The following ARHGEF40 variants were observed in gnomAD, a reference collection of about 807,000 sequenced individuals.
ARHGEF40 encodes Rho guanine nucleotide exchange factor (GEF) 40.
A neutral mutation model predicts 165.9 loss-of-function variants in ARHGEF40; 98 were observed. The observed-to-expected ratio is 0.59, with a 90% CI of 0.50 to 0.70. ARHGEF40 has a LOEUF of 0.70. Ranked by LOEUF, ARHGEF40 falls within the 30% of genes least tolerant of loss-of-function variation. The pLI is 0.00. For synonymous variants in ARHGEF40, 792 were observed against 814.3 expected, an observed-to-expected ratio of 0.97 and a Z score of 0.47; for missense variants, 1,815 against 1,968.0, an observed-to-expected ratio of 0.92 and a Z score of 1.47.
In ARHGEF40 at chr14:21,075,368, C is replaced by T; in HGVS notation, c.1487C>T (p.Pro496Leu). The T allele has an allele frequency of 6.2e-7, 1 of 1,614,166 alleles. No individual in the cohort carries two copies. Residue 496 changes from proline to leucine, a missense_variant, in exon 4 of 24, where the codon CCA becomes CTA. Physicochemically the swap from Pro to Leu is moderately conservative, Grantham distance 98. Transcript: ENST00000298694. The surrounding 1 kb of genome is among the most constrained non-coding windows in gnomAD (Gnocchi z 4.5). ...CCAGAAGGCCCCCTGTCTGACACTC[C>T]AACACCTCCGCTGGAGACTGTGCAG... The part of the protein sequence containing the change: ...TGPEGPLSDT[P>L]TPPLETVQEG...
chr14:21,070,951 A>G lies in ARHGEF40; in HGVS notation c.3+552A>G. On this transcript the variant is annotated intron_variant, in intron 1 of 23. Coordinates refer to ENST00000298694, the MANE Select transcript of ARHGEF40 (RefSeq NM_018071.5). The surrounding 1 kb of genome is among the most constrained non-coding windows in gnomAD (Gnocchi z 4.7). The stretch of plus-strand genomic sequence containing the variant: ...GTCCCGGGGCATGGCCAAAGAGGGA[A>G]ATTCCCGCAGAGAAAAAGAGCTGCC... 7.9e-7 allele frequency: 1 copy of G among 1,266,088 alleles called. No homozygotes were observed. The highest frequency in any genetic ancestry group is 2.0e-5 in the Admixed American group (1 of 48,840). 78.4% of individuals were successfully genotyped at this position (1,266,088 alleles called of 1,614,324 possible).
rs557733427 is a variant in ARHGEF40 at position 21,089,723 on chromosome 14, C to T, written c.*715C>T. 6.6e-6 allele frequency: 1 copy of T among 152,464 alleles called. No homozygotes were observed. Among genetic ancestry groups the T allele is most frequent in the African/African-American group, 2.4e-5 (1 of 41,556 alleles). The allele number at this position is 152,464 out of a possible 1,614,324, so 9.4% of individuals were successfully genotyped here. ...TGTATGAGCCTGGGAGAATGTGTCTCCTCCACAGTGGCTCCCAGAGGTTCC... is the reference window on the plus strand; with the variant it reads ...TGTATGAGCCTGGGAGAATGTGTCTTCTCCACAGTGGCTCCCAGAGGTTCC... On this transcript the variant is annotated 3_prime_UTR_variant, in exon 24 of 24. Transcript: ENST00000298694.
At chr14:21,067,469 A>T (rs7141555), upstream of ARHGEF40, among the ~76,000 whole-genome samples, 372 of 152,302 alleles carry the variant, frequency 2.4e-3, 1 homozygote, top group Middle Eastern at 0.034. Context: ...ACTGGTTGCG[A>T]CTGAAGCCTC....
At position 21,070,482 on chromosome 14, in the gene ARHGEF40, TCCC is replaced by T. The variant is rs1886647209; in HGVS notation, c.3+84_3+86del. The T allele has an allele frequency of 1.5e-6, 2 of 1,343,074 alleles. No homozygotes were observed. The highest frequency in any genetic ancestry group is 3.9e-5 in the South Asian group (2 of 51,724). 83.2% of individuals were successfully genotyped at this position (1,343,074 alleles called of 1,614,324 possible). On this transcript the variant is annotated intron_variant, in intron 1 of 23. Coordinates refer to ENST00000298694, the MANE Select transcript of ARHGEF40 (RefSeq NM_018071.5). The surrounding 1 kb of genome is among the most constrained non-coding windows in gnomAD (Gnocchi z 4.7). ...GCCCCCAAGTCCTCAGCCTGGTGCCTCCCGAGCCTGCCTCGGACTGTTCGGCCC... is the reference window on the plus strand; with the variant it reads ...GCCCCCAAGTCCTCAGCCTGGTGCCTGAGCCTGCCTCGGACTGTTCGGCCC...
In ARHGEF40 at chr14:21,076,447, C is replaced by T. The variant is rs760501958; in HGVS notation, c.1827C>T (p.Ser609=). ...PLPPALIPAL[S]QLQDSGDPPL... is the part of the protein sequence containing the mutation. ...CTCCAGCACTCATTCCTGCCTTGAG[C>T]CAACTTCAGGTAACCACCCCTCAAA... Residue 609 remains serine (S), a synonymous_variant, in exon 6 of 24, where the codon AGC becomes AGT. Transcript: ENST00000298694. 6.2e-7 allele frequency: 1 copy of T among 1,613,984 alleles called. No homozygotes were observed. The highest frequency in any genetic ancestry group is 1.1e-5 in the South Asian group (1 of 91,092).
chr14:21,081,101 A>G, intron 13 of ARHGEF40, 85 bp downstream of exon 13: 2 of 1,526,430 alleles, frequency 1.3e-6, no homozygotes, highest in Non-Finnish European at 1.8e-6. Context: ...TCAAGTTGTT[A>G]AAAGTGGAGG....
At position 21,078,488 on chromosome 14, in the gene ARHGEF40, A is replaced by G; in HGVS notation, c.2246A>G (p.Lys749Arg). Residue 749 changes from lysine (K) to arginine (R), a missense_variant and splice_region_variant, in exon 10 of 24, where the codon AAG becomes AGG. By Grantham distance (26) the Lys-to-Arg change is conservative. Coordinates refer to ENST00000298694, the MANE Select transcript of ARHGEF40 (RefSeq NM_018071.5). ...LMRLRSTPSS[K>R]LEGQGPATLY... is the part of the protein sequence containing the mutation. The stretch of plus-strand genomic sequence containing the variant: ...AGGCTGCGCTCCACTCCCAGCAGCA[A>G]GTACGAAGTATGGGTGTGCGGAGGC... 1 of 1,578,166 alleles carries G rather than the reference A, an allele frequency of 6.3e-7. No individual in the cohort carries two copies. Among genetic ancestry groups the G allele is most frequent in the Non-Finnish European group, 8.6e-7 (1 of 1,159,812 alleles).
At chr14:21,067,467 C>G (rs569893511), upstream of ARHGEF40, among the ~76,000 whole-genome samples, 1 of 152,108 alleles carries the variant, frequency 6.6e-6, no homozygotes, top group Non-Finnish European at 1.5e-5. Flanking sequence ...TTACTGGTTG[C>G]GACTGAAGCC....
intron 23 of ARHGEF40, 47 bp from the exon 24 acceptor site, chr14:21,088,967 C>T: frequency 2.3e-6 from 3 of 1,306,508 alleles, no homozygotes; most frequent in Non-Finnish European, 3.3e-6. Flanking sequence ...TGGGAGTCAG[C>T]TTCTTCCCTC....
intron 11 of ARHGEF40, 140 bp from the exon 12 acceptor site, chr14:21,080,520 T>C: frequency 1.0e-6 from 1 of 959,184 alleles, no homozygotes; most frequent in Non-Finnish European, 1.5e-6. Flanking sequence ...CATTCACTGT[T>C]GTCATTCCCA....
At chr14:21,064,659 A>T in the ARHGEF40 span, among the ~76,000 whole-genome samples, 4 of 152,356 alleles carry the variant, frequency 2.6e-5, no homozygotes, top group Admixed American at 6.5e-5. Flanking sequence ...GCGTGGAAAT[A>T]TATACGGACA....
intron 8 of ARHGEF40, among the ~76,000 whole-genome samples, chr14:21,077,401 G>A (rs1887520100): frequency 6.7e-6 from 1 of 150,116 alleles, no homozygotes; most frequent in South Asian, 2.1e-4. Flanking sequence ...TTACAGGCAT[G>A]AGTGACTATG....
At chr14:21,076,705 C>T in intron 7 of ARHGEF40, 62 bp downstream of exon 7, 1 of 1,607,956 alleles carries the variant, frequency 6.2e-7, no homozygotes, top group South Asian at 1.1e-5. Context: ...AAGAGGCTGG[C>T]TGGAGCCCCA....
At chr14:21,066,694 G>A (rs1886287518), upstream of ARHGEF40, among the ~76,000 whole-genome samples, 1 of 152,220 alleles carries the variant, frequency 6.6e-6, no homozygotes, top group East Asian at 1.9e-4. Context: ...TTATCAGAAG[G>A]TAAGAGTGGA....
rs775397568 is a variant in ARHGEF40, at chr14:21,075,388, G to A, written c.1507G>A (p.Val503Met). The A allele has an allele frequency of 6.2e-7, 1 of 1,614,222 alleles. No individual in the cohort carries two copies. The change falls in exon 4 of 24, where the codon GTG (valine) becomes ATG (methionine). Residue 503 changes from valine (V) to methionine (M), a missense_variant. Val to Met is a conservative substitution (Grantham distance 21). Coordinates refer to ENST00000298694, the MANE Select transcript of ARHGEF40 (RefSeq NM_018071.5). This position sits in a 1 kb window ranked among gnomAD's most constrained non-coding sequence, Gnocchi z 4.5. ...SDTPTPPLET[V>M]QEGKGDNIPE... ...CACTCCAACACCTCCGCTGGAGACT[G>A]TGCAGGAAGGAAAAGGGGACAACAT... is the stretch of plus-strand genomic sequence containing the variant.
chr14:21,070,213 G>A, upstream of ARHGEF40: 1 of 415,962 alleles, frequency 2.4e-6, no homozygotes, highest in Non-Finnish European at 3.6e-6. The surrounding 1 kb of genome is among the most constrained non-coding windows in gnomAD (Gnocchi z 4.7). Context: ...GGCGGGGAGG[G>A]GCGGCCGTCT....
upstream of ARHGEF40, among the ~76,000 whole-genome samples, chr14:21,068,023 G>A (rs868138420): frequency 5.0e-4 from 6 of 12,088 alleles, 3 homozygotes; most frequent in Middle Eastern, 0.33. Flanking sequence ...TTTTTGAGAC[G>A]GAGTCTCGCT....
chr14:21,069,761 C>T (rs1262887322), upstream of ARHGEF40, among the ~76,000 whole-genome samples: 3 of 152,262 alleles, frequency 2.0e-5, no homozygotes, highest in East Asian at 5.8e-4. Flanking sequence ...CGGCCCTCCG[C>T]TCTCTGCTAG....
At chr14:21,081,230 G>A in intron 13 of ARHGEF40, 1 of 855,858 alleles carries the variant, frequency 1.2e-6, no homozygotes, top group Non-Finnish European at 1.7e-6. Flanking sequence ...GGGCTGCTGT[G>A]GGGATTACAC....
Sources: gnomAD v4.1 joint callset for allele counts (sites outside exome capture counted in the v4.1 genomes callset) on GRCh38, gnomAD v4.1.1 for gene constraint, Gnocchi (gnomAD v3.1) non-coding constraint, MANE v1.5 for transcripts, NCBI Gene and HGNC (gene_info 2026-07-23, HGNC 2026-07-21) for gene names.